The following NXPH1 variants were observed in gnomAD, a reference collection of about 807,000 sequenced individuals.
The protein encoded by NXPH1 is neurexophilin 1, also known as neurexophilin-1.
Under a neutral mutation model 23.7 loss-of-function variants are expected in NXPH1, and 5 were observed. That is an observed-to-expected ratio of 0.21 (90% CI 0.11 to 0.44). The LOEUF (loss-of-function observed/expected upper bound fraction) is 0.44, where lower values mean the gene tolerates loss of function less well. NXPH1 is among the 20% of genes least tolerant of loss of function. The pLI is 0.99. For synonymous variants in NXPH1, 144 were observed against 122.2 expected (o/e 1.18, Z -1.18); for missense variants, 324 against 321.6 (o/e 1.01, Z -0.06).
intron 2 of NXPH1, among the ~76,000 whole-genome samples, chr7:8,576,288 C>G (rs538133984): frequency 6.6e-5 from 10 of 152,178 alleles, no homozygotes; most frequent in African/African-American, 2.4e-4. Flanking sequence ...CAATAATGAC[C>G]AAAGTAGTCA....
At chr7:8,731,537 G>A (rs1780153784) in intron 2 of NXPH1, among the ~76,000 whole-genome samples, 1 of 152,166 alleles carries the variant, frequency 6.6e-6, no homozygotes, top group South Asian at 2.1e-4. Context: ...TGTCCTTTCT[G>A]TTTGTTAGTT....
chr7:8,605,424 C>T (rs894703593), intron 2 of NXPH1, among the ~76,000 whole-genome samples: 1 of 152,098 alleles, frequency 6.6e-6, no homozygotes, highest in Non-Finnish European at 1.5e-5. Context: ...ACAATCAAAA[C>T]GGTGATGGAT....
At chr7:8,699,124 T>C (rs1450901540) in intron 2 of NXPH1, among the ~76,000 whole-genome samples, 4 of 152,110 alleles carry the variant, frequency 2.6e-5, no homozygotes, top group Admixed American at 2.0e-4. Context: ...CAAAATCTGA[T>C]TGTGGTTTCT....
chr7:8,689,318 GAAA>G (rs56942123), intron 2 of NXPH1, among the ~76,000 whole-genome samples: 9 of 148,150 alleles, frequency 6.1e-5, no homozygotes, highest in South Asian at 2.1e-4. Context: ...CAGATGAAGT[GAAA>G]AAAAAAAAAA....
At chr7:8,519,556 G>C (rs1817736993) in intron 2 of NXPH1, among the ~76,000 whole-genome samples, 1 of 152,144 alleles carries the variant, frequency 6.6e-6, no homozygotes, top group South Asian at 2.1e-4. Context: ...GTTCTAATAT[G>C]GAATAAGCAT....
intron 2 of NXPH1, among the ~76,000 whole-genome samples, chr7:8,736,458 T>G (rs992182941): frequency 5.9e-5 from 9 of 152,286 alleles, no homozygotes; most frequent in Middle Eastern, 3.4e-3. Flanking sequence ...TTTCTTAATC[T>G]TGAGTTCTAA....
At chr7:8,454,996 T>C (rs1311424461) in intron 2 of NXPH1, among the ~76,000 whole-genome samples, 1 of 152,196 alleles carries the variant, frequency 6.6e-6, no homozygotes, top group Non-Finnish European at 1.5e-5. Context: ...AAAAATAGTC[T>C]AGAAGTCTAA....
Position 8,751,548 on chromosome 7 carries a change from G to A in NXPH1, c.595G>A (p.Glu199Lys), listed in dbSNP as rs1022012930. Residue 199 changes from glutamate to lysine, a missense_variant, in exon 3 of 3, where the codon GAA becomes AAA. By Grantham distance (56) the Glu-to-Lys change is moderately conservative. Coordinates refer to ENST00000405863, the MANE Select transcript of NXPH1 (RefSeq NM_152745.3). The surrounding 1 kb of genome is among the most constrained non-coding windows in gnomAD (Gnocchi z 4.5). Reference protein sequence around the residue: ...SKSFNCRIEYEKVDKATKNTL... With the variant: ...SKSFNCRIEYKKVDKATKNTL... ...GTCTTTTAATTGTCGCATTGAATAT[G>A]AAAAGGTTGACAAGGCTACCAAGAA... 1 of 1,613,438 alleles carries A rather than the reference G, an allele frequency of 6.2e-7. No homozygotes were observed. Among genetic ancestry groups the A allele is most frequent in the Non-Finnish European group, 8.5e-7 (1 of 1,179,676 alleles).
chr7:8,525,007 A>C (rs368656677), intron 2 of NXPH1, among the ~76,000 whole-genome samples: 1 of 152,260 alleles, frequency 6.6e-6, no homozygotes, highest in African/African-American at 2.4e-5. Context: ...ACTCGTAAAC[A>C]GGCTTAGGTT....
Position 8,588,009 on chromosome 7 carries a change from A to G in NXPH1, c.54+152242A>G, listed in dbSNP as rs139147204. 3.6e-3 allele frequency among the ~76,000 whole-genome samples: 547 copies of G among 152,326 alleles called. 4 individuals carry two copies. Among genetic ancestry groups the G allele is most frequent in the East Asian group, 0.01 (53 of 5,174 alleles). On this transcript the variant is annotated intron_variant, in intron 2 of 2. Transcript: ENST00000405863. ...AATGTATGAAAAAAAGCTCATCATC[A>G]CTGGTCATTAGAGAAATACAAATCA...
chr7:8,634,121 G>A (rs1346278460), intron 2 of NXPH1, among the ~76,000 whole-genome samples: 1 of 152,076 alleles, frequency 6.6e-6, no homozygotes, highest in Non-Finnish European at 1.5e-5. Flanking sequence ...TCGTTTAGCT[G>A]TGTCCCCACT....
intron 2 of NXPH1, among the ~76,000 whole-genome samples, chr7:8,728,119 T>C (rs924205219): frequency 2.7e-4 from 41 of 151,860 alleles, no homozygotes; most frequent in African/African-American, 8.7e-4. Flanking sequence ...GGGAGTTCAC[T>C]CATGATTTGG....
chr7:8,660,077 A>G (rs1026934892), intron 2 of NXPH1, among the ~76,000 whole-genome samples: 6 of 152,332 alleles, frequency 3.9e-5, no homozygotes, highest in Admixed American at 3.3e-4. Context: ...ACTTTAAATT[A>G]ATTTAAATTG....
rs140903786 is a variant in NXPH1, at chr7:8,565,259, A to G, written c.54+129492A>G. 5.3e-5 allele frequency among the ~76,000 whole-genome samples: 8 copies of G among 151,894 alleles called. No homozygotes were observed. In the East Asian group the frequency reaches 1.6e-3, roughly 30 times the overall value. On this transcript the variant is annotated intron_variant, in intron 2 of 2. Coordinates refer to ENST00000405863, the MANE Select transcript of NXPH1 (RefSeq NM_152745.3). ...CAAAATGTGATTTTGCTGTCATTTG[A>G]GTGTCAATTTCTTTTCTCTCAAGAG...
intron 2 of NXPH1, among the ~76,000 whole-genome samples, chr7:8,651,117 C>T (rs1820485225): frequency 6.7e-6 from 1 of 149,600 alleles, no homozygotes; most frequent in South Asian, 2.2e-4. Flanking sequence ...TGCTATCCCT[C>T]CCCACTCCCC....
chr7:8,534,816 C>G (rs932423295), intron 2 of NXPH1, among the ~76,000 whole-genome samples: 24 of 151,998 alleles, frequency 1.6e-4, no homozygotes, highest in Non-Finnish European at 3.4e-4. Flanking sequence ...GTCATTTGCT[C>G]AAAGTTACTG....
chr7:8,468,395 A>G (rs185916221), intron 2 of NXPH1, among the ~76,000 whole-genome samples: 21 of 152,226 alleles, frequency 1.4e-4, no homozygotes, highest in African/African-American at 4.3e-4. Context: ...GTCTTCTTTG[A>G]AAATGCTGAC....
chr7:8,750,890 G>A (rs1780552140), intron 2 of NXPH1, 118 bp from the exon 3 acceptor site: 3 of 990,106 alleles, frequency 3.0e-6, no homozygotes, highest in Non-Finnish European at 4.5e-6. Context: ...CAGATGCGGT[G>A]CTTTTAAAAA....
intron 2 of NXPH1, among the ~76,000 whole-genome samples, chr7:8,706,585 G>A (rs1205264586): frequency 1.3e-5 from 2 of 152,194 alleles, no homozygotes; most frequent in African/African-American, 4.8e-5. Flanking sequence ...ATGTGGAATA[G>A]AAGACCCATC....
Sources: gnomAD v4.1 joint callset for allele counts (sites outside exome capture counted in the v4.1 genomes callset) on GRCh38, gnomAD v4.1.1 for gene constraint, Gnocchi (gnomAD v3.1) non-coding constraint, MANE v1.5 for transcripts, NCBI Gene and HGNC (gene_info 2026-07-23, HGNC 2026-07-21) for gene names.